PACC1: variants seen among roughly 807,000 people sequenced by gnomAD.
The protein encoded by PACC1 is proton activated chloride channel 1.
In PACC1, 34 loss-of-function variants were observed where a neutral mutation model predicts 39.7. The observed-to-expected ratio is 0.86, with a 90% confidence interval of 0.65 to 1.14. The LOEUF (loss-of-function observed/expected upper bound fraction) is 1.14, where lower values mean the gene tolerates loss of function less well. PACC1 is among the 50% of genes most tolerant of loss of function. The pLI is 0.00. For missense variants in PACC1, 379 were observed against 436.4 expected (o/e 0.87, Z 1.17); for synonymous variants, 127 against 160.6 (o/e 0.79, Z 1.58).
chr1:212,395,947 G>A (rs1661500298), intron 2 of PACC1, among the ~76,000 whole-genome samples: 1 of 152,238 alleles, frequency 6.6e-6, no homozygotes, highest in African/African-American at 2.4e-5. Flanking sequence ...ACAGGTGCTG[G>A]AGAGGATGTG....
chr1:212,369,234 G>C (rs545378385), intron 7 of PACC1, among the ~76,000 whole-genome samples: 2 of 151,812 alleles, frequency 1.3e-5, no homozygotes, highest in Admixed American at 1.3e-4. Context: ...ACCTATAATG[G>C]ATATAATAAA....
Position 212,365,195 on chromosome 1 carries a change from C to T in PACC1, c.*20G>A, listed in dbSNP as rs374434268. 5.0e-5 allele frequency: 81 copies of T among 1,610,096 alleles called. No individual in the cohort carries two copies. The African/African-American group carries it at 9.1e-4, about 18-fold the overall frequency. Reference sequence around the variant, plus strand: ...AGCTCCCATTGATGTGGACAGTTCTCTAAACAACGCGAGGTGACTTCAGCT... The same window carrying T: ...AGCTCCCATTGATGTGGACAGTTCTTTAAACAACGCGAGGTGACTTCAGCT... On this transcript the variant is annotated 3_prime_UTR_variant, in exon 8 of 8. Transcript: ENST00000261455.
At chr1:212,395,829 T>A (rs181808203) in intron 2 of PACC1, among the ~76,000 whole-genome samples, 2 of 151,796 alleles carry the variant, frequency 1.3e-5, no homozygotes, top group Middle Eastern at 3.4e-3. Flanking sequence ...AACAGACACA[T>A]GAAAAAATGC....
At chr1:212,403,466 T>C (rs921412307) in intron 2 of PACC1, among the ~76,000 whole-genome samples, 4 of 152,220 alleles carry the variant, frequency 2.6e-5, no homozygotes, top group African/African-American at 9.6e-5. Context: ...TTCTCCAGGT[T>C]GCACAACTCC....
At chr1:212,376,962 T>A (rs1421075521) in intron 6 of PACC1, 2 of 152,250 alleles carry the variant, frequency 1.3e-5, no homozygotes, top group Non-Finnish European at 1.5e-5. Flanking sequence ...TATTTTTGAA[T>A]GTTTAAAGTG....
chr1:212,399,327 G>C (rs892739745), intron 2 of PACC1, among the ~76,000 whole-genome samples: 1 of 150,612 alleles, frequency 6.6e-6, no homozygotes, highest in African/African-American at 2.4e-5. Context: ...CAGAATGAGA[G>C]AGTCTTAAGA....
At chr1:212,371,241 C>CAAAAA (rs1189603478) in intron 7 of PACC1, among the ~76,000 whole-genome samples, 2 of 88,712 alleles carry the variant, frequency 2.3e-5, no homozygotes, top group Non-Finnish European at 4.3e-5. Flanking sequence ...GACTCCATTT[C>CAAAAA]AAAAAAAAAA....
intron 2 of PACC1, among the ~76,000 whole-genome samples, chr1:212,389,823 T>A (rs1401648289): frequency 6.6e-6 from 1 of 152,144 alleles, no homozygotes; most frequent in Non-Finnish European, 1.5e-5. Flanking sequence ...ACTCTACATT[T>A]TAATGAGTAA....
intron 2 of PACC1, among the ~76,000 whole-genome samples, chr1:212,395,591 C>T (rs1477649154): frequency 6.6e-6 from 1 of 151,976 alleles, no homozygotes; most frequent in Admixed American, 6.6e-5. Context: ...ACAAATGGGG[C>T]CTAATTAAAC....
chr1:212,400,957 G>GC (rs1225176375), intron 2 of PACC1, among the ~76,000 whole-genome samples: 1 of 152,166 alleles, frequency 6.6e-6, no homozygotes, highest in Non-Finnish European at 1.5e-5. Context: ...TTGGTTGTCT[G>GC]CCATAATCCT....
intron 4 of PACC1, among the ~76,000 whole-genome samples, chr1:212,381,044 T>C (rs1320353212): frequency 6.6e-6 from 1 of 152,266 alleles, no homozygotes; most frequent in Non-Finnish European, 1.5e-5. Flanking sequence ...TGCCCCCACA[T>C]GTATACACAC....
At chr1:212,369,877 A>G (rs933567544) in intron 7 of PACC1, among the ~76,000 whole-genome samples, 1 of 152,236 alleles carries the variant, frequency 6.6e-6, no homozygotes, top group Non-Finnish European at 1.5e-5. Flanking sequence ...CAGATAAAAT[A>G]GACTTCAAGT....
At chr1:212,409,775 A>G (rs565631005) in intron 2 of PACC1, among the ~76,000 whole-genome samples, 42 of 152,290 alleles carry the variant, frequency 2.8e-4, no homozygotes, top group Middle Eastern at 3.4e-3. Context: ...CATGGGAGTC[A>G]CGTGTGAGCA....
At chr1:212,390,798 C>T (rs1370324116) in intron 2 of PACC1, among the ~76,000 whole-genome samples, 7 of 152,216 alleles carry the variant, frequency 4.6e-5, no homozygotes, top group South Asian at 2.1e-4. Flanking sequence ...GATTATATCC[C>T]GCGCCTGGCT....
chr1:212,385,456 A>G (rs767484293), intron 3 of PACC1, 31 bp from the exon 4 acceptor site: 1 of 1,613,408 alleles, frequency 6.2e-7, no homozygotes, highest in Non-Finnish European at 8.5e-7. Flanking sequence ...AGCAAGTGTC[A>G]GAAATCACAC....
intron 2 of PACC1, among the ~76,000 whole-genome samples, chr1:212,408,086 A>AAAG (rs1456330727): frequency 6.6e-6 from 1 of 151,638 alleles, no homozygotes; most frequent in Admixed American, 6.6e-5. Flanking sequence ...AAAAAAAAAA[A>AAAG]AAAAGAAAAC....
chr1:212,386,144 A>T lies in PACC1; in HGVS notation c.344-719T>A, dbSNP rs1661091700. Among the ~76,000 whole-genome samples the T allele has an allele frequency of 1.3e-5, 2 of 152,118 alleles. No homozygotes were observed. The highest frequency in any genetic ancestry group is 2.1e-4 in the South Asian group (1 of 4,824). On this transcript the variant is annotated intron_variant, in intron 3 of 7. Coordinates refer to ENST00000261455, the MANE Select transcript of PACC1 (RefSeq NM_018252.3). The surrounding 1 kb of genome is among the most constrained non-coding windows in gnomAD (Gnocchi z 5.0). ...TGGCAGGAAGCCCCAGAGAGAGGGC[A>T]CCCGGACTCTGGCTCTGCCATGTGA...
At chr1:212,375,980 G>T (rs1185319642) in intron 6 of PACC1, among the ~76,000 whole-genome samples, 2 of 152,150 alleles carry the variant, frequency 1.3e-5, no homozygotes, top group Non-Finnish European at 2.9e-5. Flanking sequence ...AAAGTACTTG[G>T]TTTTCAGATC....
At chr1:212,394,790 C>A (rs367817463) in intron 2 of PACC1, among the ~76,000 whole-genome samples, 84 of 152,114 alleles carry the variant, frequency 5.5e-4, no homozygotes, top group Non-Finnish European at 1.0e-3. Flanking sequence ...TATACACCAA[C>A]AACAGACAAA....
Sources: allele counts gnomAD v4.1 joint callset (sites outside exome capture counted in the v4.1 genomes callset), GRCh38; gene constraint gnomAD v4.1.1; non-coding constraint Gnocchi (gnomAD v3.1); transcripts MANE v1.5; gene names NCBI Gene and HGNC (gene_info 2026-07-23, HGNC 2026-07-21).